Variants in DGKH observed in about 807,000 individuals in gnomAD.
The protein encoded by DGKH is DAG kinase eta.
In DGKH, 90 loss-of-function variants were observed where a neutral mutation model predicts 159.3. That is an observed-to-expected ratio of 0.57 (90% CI 0.48 to 0.67). The LOEUF (loss-of-function observed/expected upper bound fraction) is 0.67, where lower values mean the gene tolerates loss of function less well. Among genes scored for constraint, DGKH ranks in the 30% least tolerant of loss-of-function variants. DGKH has a pLI of 0.00. For synonymous variants in DGKH, 536 were observed against 553.8 expected, an observed-to-expected ratio of 0.97 and a Z score of 0.45; for missense variants, 1,181 against 1,506.1, an observed-to-expected ratio of 0.78 and a Z score of 3.57.
chr13:42,043,163 A>G, intron 1 of DGKH, among the ~76,000 whole-genome samples: 1 of 152,122 alleles, frequency 6.6e-6, no homozygotes, highest in East Asian at 1.9e-4. Flanking sequence ...TGTGACATAT[A>G]TGTTACATAC....
intron 13 of DGKH, among the ~76,000 whole-genome samples, chr13:42,184,673 G>T (rs1956862184): frequency 6.6e-6 from 1 of 151,838 alleles, no homozygotes; most frequent in Admixed American, 6.6e-5. Context: ...ACCAGCTGGG[G>T]CGACACAGAG....
chr13:42,105,303 C>G (rs543420051), intron 1 of DGKH, among the ~76,000 whole-genome samples: 5 of 152,068 alleles, frequency 3.3e-5, no homozygotes, highest in Non-Finnish European at 2.9e-5. Flanking sequence ...GGGTTAAACT[C>G]GTCCTTTTAC....
rs1339132728 is a variant in DGKH at position 42,165,359 on chromosome 13, A to C, written c.884A>C (p.His295Pro). ...MVHTACKDLY[H>P]PICPLGQCKV... Reference sequence around the variant, plus strand: ...CACACTGCCTGCAAAGATTTATACCATCCAATATGTCCACTTGGTCAATGT... The same window carrying C: ...CACACTGCCTGCAAAGATTTATACCCTCCAATATGTCCACTTGGTCAATGT... The change falls in exon 8 of 30, where the codon CAT becomes CCT. Residue 295 changes from histidine (H) to proline (P), a missense_variant. Transcript: ENST00000337343. The C allele has an allele frequency of 2.5e-6, 4 of 1,588,646 alleles. No individual in the cohort carries two copies. The Admixed American group carries it at 5.5e-5, about 22-fold the overall frequency.
chr13:42,194,584 G>A lies in DGKH; in HGVS notation c.2036-301G>A, dbSNP rs12584544. Reference sequence around the variant, plus strand: ...ATACATATGTTTCATTTTCAAAAATGGACTTCAAAAGCTTCATTTATCTTT... The same window carrying A: ...ATACATATGTTTCATTTTCAAAAATAGACTTCAAAAGCTTCATTTATCTTT... On this transcript the variant is annotated intron_variant, in intron 16 of 29. Transcript: ENST00000337343. Among the ~76,000 whole-genome samples, 18,170 of 152,158 alleles carry A rather than the reference G, an allele frequency of 0.12. 1,544 individuals carry two copies. Among genetic ancestry groups the A allele is most frequent in the East Asian group, 0.4 (2,085 of 5,174 alleles).
At chr13:42,117,840 C>T (rs549953026) in intron 1 of DGKH, among the ~76,000 whole-genome samples, 4 of 152,272 alleles carry the variant, frequency 2.6e-5, no homozygotes, top group African/African-American at 9.6e-5. Context: ...TTCTGCCCCT[C>T]CAGAGGTATA....
intron 29 of DGKH, among the ~76,000 whole-genome samples, chr13:42,251,605 C>T (rs945760715): frequency 4.6e-5 from 7 of 152,068 alleles, no homozygotes; most frequent in African/African-American, 1.7e-4. Flanking sequence ...TTTTCATCCT[C>T]CACACACTAC....
Position 42,199,660 on chromosome 13 carries a change from C to T in DGKH, c.2380C>T (p.His794Tyr). 1 of 1,592,006 alleles carries T rather than the reference C, an allele frequency of 6.3e-7. No individual in the cohort carries two copies. The highest frequency in any genetic ancestry group is 1.8e-5 in the Admixed American group (1 of 55,012). Residue 794 changes from histidine to tyrosine, a missense_variant, in exon 19 of 30, where the codon CAC (histidine) becomes TAC (tyrosine). Around this residue, in one of 5 missense-constraint regions of DGKH, gnomAD observed 335 missense variants for 495.2 expected, o/e 0.68. Coordinates refer to ENST00000337343, the MANE Select transcript of DGKH (RefSeq NM_178009.5). ...SLEFNNKREEHPEKCRSRTKN... is the reference protein window; with the variant it reads ...SLEFNNKREEYPEKCRSRTKN... ...AGAATTTAATAATAAAAGAGAGGAG[C>T]ACCCTGAAAAATGCAGGTAATTTTA...
At position 42,063,829 on chromosome 13, in the gene DGKH, G is replaced by A. The variant is rs567570209; in HGVS notation, c.192+14864G>A. ...TGGCGCATGCATGTAATCCCAGCTAGTCGGGAGGCTGAGGCAAGAGAATCT... is the reference window on the plus strand; with the variant it reads ...TGGCGCATGCATGTAATCCCAGCTAATCGGGAGGCTGAGGCAAGAGAATCT... On this transcript the variant is annotated intron_variant, in intron 1 of 29. Coordinates refer to ENST00000337343, the MANE Select transcript of DGKH (RefSeq NM_178009.5). Among the ~76,000 whole-genome samples the A allele has an allele frequency of 9.1e-4, 139 of 152,048 alleles. 1 individual carries two copies. The highest frequency in any genetic ancestry group is 3.1e-3 in the African/African-American group (127 of 41,488).
intron 3 of DGKH, among the ~76,000 whole-genome samples, chr13:42,144,053 G>T (rs1292433020): frequency 6.6e-6 from 1 of 152,136 alleles, no homozygotes; most frequent in East Asian, 1.9e-4. Flanking sequence ...TAGCAAAAGA[G>T]AGTCTGATAC....
At chr13:42,100,017 C>T (rs1954624367) in intron 1 of DGKH, among the ~76,000 whole-genome samples, 1 of 152,196 alleles carries the variant, frequency 6.6e-6, no homozygotes, top group Admixed American at 6.5e-5. Flanking sequence ...GGGTCCCCAT[C>T]CCCTGGGCCA....
At chr13:42,195,784 C>G (rs1028123728) in intron 17 of DGKH, 2 of 152,108 alleles carry the variant, frequency 1.3e-5, no homozygotes, top group Admixed American at 6.5e-5. Context: ...TCAGATATGA[C>G]AAGCACACGC....
chr13:42,152,541 A>T (rs148247175), intron 3 of DGKH, among the ~76,000 whole-genome samples: 2 of 150,450 alleles, frequency 1.3e-5, no homozygotes, highest in Non-Finnish European at 3.0e-5. Flanking sequence ...ACATAATAAG[A>T]TACCCCAACA....
chr13:42,253,014 T>C (rs1958631421), intron 30 of DGKH, among the ~76,000 whole-genome samples: 1 of 152,190 alleles, frequency 6.6e-6, no homozygotes, highest in Non-Finnish European at 1.5e-5. Flanking sequence ...TATTATCCAA[T>C]TTCAAGCATT....
In DGKH at chr13:42,215,613, T is replaced by C. The variant is rs1957770168; in HGVS notation, c.3159T>C (p.Asn1053=). The change falls in exon 26 of 30, where the codon AAT becomes AAC. Residue 1053 remains asparagine, a synonymous_variant. Coordinates refer to ENST00000337343, the MANE Select transcript of DGKH (RefSeq NM_178009.5). ...ACACTGCCACTGAAATAGCCATCAA[T>C]GTGAAGGCGCTGTATAATGAAACAG... The part of the protein sequence containing the change: ...TRDTATEIAI[N]VKALYNETES... 2 of 1,611,652 alleles carry C rather than the reference T, an allele frequency of 1.2e-6. No individual in the cohort carries two copies. Among genetic ancestry groups the C allele is most frequent in the Non-Finnish European group, 1.7e-6 (2 of 1,178,708 alleles).
intron 3 of DGKH, among the ~76,000 whole-genome samples, chr13:42,150,419 T>C (rs1955849085): frequency 6.6e-6 from 1 of 152,242 alleles, no homozygotes; most frequent in African/African-American, 2.4e-5. Flanking sequence ...ATCTTCTGCC[T>C]GCGTGACTTA....
At chr13:42,067,053 C>G (rs913750119) in intron 1 of DGKH, among the ~76,000 whole-genome samples, 1 of 151,830 alleles carries the variant, frequency 6.6e-6, no homozygotes, top group East Asian at 1.9e-4. Flanking sequence ...AACAGAAGCA[C>G]ACATAAAATG....
intron 20 of DGKH, among the ~76,000 whole-genome samples, chr13:42,200,310 GT>G (rs1957316266): frequency 6.6e-6 from 1 of 152,038 alleles, no homozygotes; most frequent in African/African-American, 2.4e-5. Context: ...TTAAATATAC[GT>G]TTATTTTTTG....
At chr13:42,178,305 T>C (rs1956658589) in intron 13 of DGKH, 85 bp downstream of exon 13, 3 of 1,038,620 alleles carry the variant, frequency 2.9e-6, no homozygotes, top group Non-Finnish European at 2.7e-6. Flanking sequence ...CTTTGTGAGT[T>C]TTCTTCTCAA....
chr13:42,117,522 T>C (rs1954987105), intron 1 of DGKH, among the ~76,000 whole-genome samples: 1 of 152,234 alleles, frequency 6.6e-6, no homozygotes, highest in Admixed American at 6.5e-5. Context: ...ATCTTTTTAA[T>C]CATATCTTTT....
Sources: allele counts gnomAD v4.1 joint callset (sites outside exome capture counted in the v4.1 genomes callset), GRCh38; gene constraint gnomAD v4.1.1; regional missense constraint gnomAD v4.1.1; transcripts MANE v1.5; gene names NCBI Gene and HGNC (gene_info 2026-07-23, HGNC 2026-07-21).